BMPR1A: variants seen among roughly 807,000 people sequenced by gnomAD.
BMPR1A encodes the protein bone morphogenetic protein receptor type 1A, also known as bone morphogenetic protein receptor type-1A.
Under a neutral mutation model 66.0 loss-of-function variants are expected in BMPR1A, and 7 were observed. That is an observed-to-expected ratio of 0.11 (90% CI 0.06 to 0.20). BMPR1A has a LOEUF of 0.20. Ranked by LOEUF, BMPR1A falls within the 10% of genes least tolerant of loss-of-function variation. The pLI, the probability that BMPR1A is intolerant of heterozygous loss-of-function variation, is 1.00. For missense variants in BMPR1A, 408 were observed against 669.1 expected (o/e 0.61, Z 4.31); for synonymous variants, 200 against 229.7 (o/e 0.87, Z 1.17).
chr10:86,796,652 C>T (rs1200658364), intron 1 of BMPR1A, among the ~76,000 whole-genome samples: 1 of 151,902 alleles, frequency 6.6e-6, no homozygotes, highest in Non-Finnish European at 1.5e-5. Flanking sequence ...TCTCAGTTCA[C>T]TGCAACTTCC....
intron 7 of BMPR1A, among the ~76,000 whole-genome samples, chr10:86,902,481 A>G (rs1259301844): frequency 6.6e-6 from 1 of 152,080 alleles, no homozygotes. Flanking sequence ...CCTATCAGCC[A>G]GGTGTGTGCT....
At chr10:86,917,393 CAT>C in intron 9 of BMPR1A, 67 bp downstream of exon 9, 1 of 1,566,062 alleles carries the variant, frequency 6.4e-7, no homozygotes, top group Non-Finnish European at 8.8e-7. Context: ...TGGAAGCCTC[CAT>C]ATGTGCTTTG....
chr10:86,915,861 A>G (rs1395255227), intron 8 of BMPR1A, among the ~76,000 whole-genome samples: 1 of 152,246 alleles, frequency 6.6e-6, no homozygotes, highest in African/African-American at 2.4e-5. Flanking sequence ...ATTTAGAATG[A>G]TCACTAATGC....
intron 1 of BMPR1A, among the ~76,000 whole-genome samples, chr10:86,800,044 G>A (rs1323071934): frequency 1.3e-5 from 2 of 152,102 alleles, no homozygotes; most frequent in Admixed American, 1.3e-4. Flanking sequence ...TTAACATACA[G>A]GTTGCAAACT....
intron 1 of BMPR1A, among the ~76,000 whole-genome samples, chr10:86,834,896 A>G (rs1234433750): frequency 1.3e-5 from 2 of 151,968 alleles, no homozygotes; most frequent in African/African-American, 2.4e-5. Flanking sequence ...TATGAATGCA[A>G]CTATAGTGTT....
chr10:86,896,086 G>A (rs988693851), intron 5 of BMPR1A, among the ~76,000 whole-genome samples: 64 of 151,862 alleles, frequency 4.2e-4, no homozygotes, highest in African/African-American at 1.4e-3. Flanking sequence ...CCCAGGAGTT[G>A]GAGGTTGCAG....
intron 7 of BMPR1A, among the ~76,000 whole-genome samples, chr10:86,910,306 C>T (rs1165631610): frequency 6.6e-6 from 1 of 151,988 alleles, no homozygotes; most frequent in Non-Finnish European, 1.5e-5. Context: ...CCATTGCACT[C>T]CAGCCTGGAG....
At chr10:86,878,547 G>A (rs1842948096) in intron 3 of BMPR1A, among the ~76,000 whole-genome samples, 1 of 152,148 alleles carries the variant, frequency 6.6e-6, no homozygotes, top group Non-Finnish European at 1.5e-5. Flanking sequence ...AACATAGGTG[G>A]TAGATGTTTG....
At chr10:86,777,383 C>T (rs940889907) in intron 1 of BMPR1A, among the ~76,000 whole-genome samples, 1 of 151,652 alleles carries the variant, frequency 6.6e-6, no homozygotes, top group African/African-American at 2.4e-5. Context: ...AGTTTGAGAT[C>T]GGAGTGGACA....
chr10:86,840,728 C>A (rs1006335354), intron 2 of BMPR1A, among the ~76,000 whole-genome samples: 11 of 152,128 alleles, frequency 7.2e-5, no homozygotes, highest in African/African-American at 2.2e-4. Flanking sequence ...CCCGCTATTT[C>A]TCCTTCTGTT....
chr10:86,927,498 T>G lies in BMPR1A; in HGVS notation c.*3779T>G, dbSNP rs1843760934. The G allele has an allele frequency of 5.0e-6, 1 of 200,520 alleles. No individual in the cohort carries two copies. The highest frequency in any genetic ancestry group is 2.3e-5 in the African/African-American group (1 of 43,508). 12.4% of individuals were successfully genotyped at this position (200,520 alleles called of 1,614,324 possible). A position where few individuals can be genotyped will look rare whatever the true frequency, so the allele number is the denominator to read the frequency against. ...CACAGTGGAAACTGCAGGGAGGAGG[T>G]GTGTTCCTAAGAACCAAAATCCAGC... On this transcript the variant is annotated 3_prime_UTR_variant, in exon 13 of 13. Transcript: ENST00000372037.
chr10:86,872,509 A>G (rs1842865109), intron 2 of BMPR1A, among the ~76,000 whole-genome samples: 1 of 152,154 alleles, frequency 6.6e-6, no homozygotes, highest in Non-Finnish European at 1.5e-5. Flanking sequence ...AAATTAAAAT[A>G]ATAATTTAAC....
chr10:86,898,978 A>G (rs1843268350), intron 5 of BMPR1A, among the ~76,000 whole-genome samples: 1 of 152,204 alleles, frequency 6.6e-6, no homozygotes, highest in Non-Finnish European at 1.5e-5. Context: ...CATCTTCCCA[A>G]CAGAATCTGA....
At chr10:86,856,025 G>C (rs1842636111) in intron 2 of BMPR1A, 9 of 619,242 alleles carry the variant, frequency 1.5e-5, no homozygotes, top group South Asian at 1.3e-4. Context: ...CACCGTACTG[G>C]AGTTTTGGGA....
At chr10:86,830,230 C>A (rs1317339496) in intron 1 of BMPR1A, among the ~76,000 whole-genome samples, 1 of 152,128 alleles carries the variant, frequency 6.6e-6, no homozygotes, top group Middle Eastern at 3.2e-3. Flanking sequence ...TGGAGGGTGG[C>A]AGAAGAAGAA....
chr10:86,771,984 A>G (rs1296442663), intron 1 of BMPR1A, among the ~76,000 whole-genome samples: 4 of 152,044 alleles, frequency 2.6e-5, no homozygotes, highest in African/African-American at 7.3e-5. Flanking sequence ...ATCTTAAACA[A>G]TATTAAAAGG....
At chr10:86,890,811 T>C (rs1027523097) in intron 4 of BMPR1A, among the ~76,000 whole-genome samples, 3 of 152,196 alleles carry the variant, frequency 2.0e-5, no homozygotes, top group African/African-American at 4.8e-5. Flanking sequence ...TGCTTTTTTC[T>C]TACCTGTGAA....
chr10:86,791,668 C>G (rs1841621392), intron 1 of BMPR1A, among the ~76,000 whole-genome samples: 1 of 150,958 alleles, frequency 6.6e-6, no homozygotes. Flanking sequence ...AGTAATTTTT[C>G]TTTCCTTCTT....
At chr10:86,893,712 C>T (rs1025345622) in intron 5 of BMPR1A, among the ~76,000 whole-genome samples, 4 of 151,410 alleles carry the variant, frequency 2.6e-5, no homozygotes, top group Non-Finnish European at 4.4e-5. Context: ...GGCATGAACC[C>T]GGGAGGTGGA....
Sources: gnomAD v4.1 joint callset for allele counts (sites outside exome capture counted in the v4.1 genomes callset) on GRCh38, gnomAD v4.1.1 for gene constraint, MANE v1.5 for transcripts, NCBI Gene and HGNC (gene_info 2026-07-23, HGNC 2026-07-21) for gene names.